Variants in DNAJC5G observed in about 807,000 individuals in gnomAD.
DNAJC5G encodes the protein DnaJ heat shock protein family (Hsp40) member C5 gamma, also known as dnaJ homolog subfamily C member 5G.
A neutral mutation model predicts 19.1 loss-of-function variants in DNAJC5G; 13 were observed. The observed-to-expected ratio is 0.68, with a 90% CI of 0.44 to 1.08. DNAJC5G has a LOEUF of 1.08. Ranked by LOEUF, DNAJC5G falls within the 50% of genes least tolerant of loss-of-function variation. DNAJC5G has a pLI of 0.00. For missense variants in DNAJC5G, 245 were observed against 230.4 expected (o/e 1.06, Z -0.41); for synonymous variants, 81 against 84.4 (o/e 0.96, Z 0.22).
rs762416674 is a variant in DNAJC5G at position 27,278,208 on chromosome 2, T to G, written c.396T>G (p.Thr132=). ...CWFKTLVILC[T]LLTCCCFCCC... is the part of the protein sequence containing the mutation. ...TTTAGACACTTGTCATCCTGTGTAC[T>G]CTGCTCACTTGTTGCTGTTTCTGTT... Residue 132 remains threonine, a synonymous_variant, in exon 5 of 7, where the codon ACT becomes ACG. Transcript: ENST00000296097. 2 of 1,614,246 alleles carry G rather than the reference T, an allele frequency of 1.2e-6. No individual in the cohort carries two copies. The highest frequency in any genetic ancestry group is 1.7e-6 in the Non-Finnish European group (2 of 1,180,052).
intron 6 of DNAJC5G, 35 bp from the exon 7 acceptor site, chr2:27,280,394 C>G: frequency 3.1e-6 from 2 of 647,958 alleles, no homozygotes; most frequent in Non-Finnish European, 5.3e-6. Context: ...ATTATTCCTT[C>G]TGATTAATAA....
In DNAJC5G at chr2:27,280,848, G is replaced by A. The variant is rs182845980; in HGVS notation, c.*438G>A. On this transcript the variant is annotated 3_prime_UTR_variant, in exon 7 of 7. Transcript: ENST00000296097. The stretch of plus-strand genomic sequence containing the variant: ...AAGAGCCTGATAACTGAGCAGGGTG[G>A]ATCCTGTCCCTGGAGCTGCTGCACC... 2 of 152,634 alleles carry A rather than the reference G, an allele frequency of 1.3e-5. No homozygotes were observed. The highest frequency in any genetic ancestry group is 3.8e-4 in the East Asian group (2 of 5,320). The allele number at this position is 152,634 out of a possible 1,614,324, so 9.5% of individuals were successfully genotyped here. A position where few individuals can be genotyped will look rare whatever the true frequency, so the allele number is the denominator to read the frequency against.
At chr2:27,279,779 C>T (rs936357877) in intron 5 of DNAJC5G, among the ~76,000 whole-genome samples, 5 of 151,570 alleles carry the variant, frequency 3.3e-5, no homozygotes, top group Admixed American at 6.6e-5. Context: ...AGAAGTCAGC[C>T]GGTCATGGCA....
chr2:27,277,833 A>T lies in DNAJC5G; in HGVS notation c.193A>T (p.Asn65Tyr), dbSNP rs770009682. 6 of 1,614,074 alleles carry T rather than the reference A, an allele frequency of 3.7e-6. No homozygotes were observed. The African/African-American group carries it at 6.7e-5, about 18-fold the overall frequency. Residue 65 changes from asparagine to tyrosine, a missense_variant, in exon 4 of 7, where the codon AAT becomes TAT. Coordinates refer to ENST00000296097, the MANE Select transcript of DNAJC5G (RefSeq NM_173650.3). The stretch of plus-strand genomic sequence containing the variant: ...GGCCTTGCGGTATCATCCCGACAAG[A>T]ATCCAGGGAATGCTCAAGCAGCAGA... ...KLALRYHPDK[N>Y]PGNAQAAEIF...
In DNAJC5G at chr2:27,278,262, T is replaced by C. The variant is rs752438342; in HGVS notation, c.450T>C (p.Leu150=). The change falls in exon 5 of 7, where the codon CTT becomes CTC. Residue 150 remains leucine, a synonymous_variant. Coordinates refer to ENST00000296097, the MANE Select transcript of DNAJC5G (RefSeq NM_173650.3). The stretch of plus-strand genomic sequence containing the variant: ...GCTGCTGTTTTTGCTGTGGAGCACT[T>C]AAACCACCACCTGAGCAGGATAGTG... The part of the protein sequence containing the change: ...CCCCCFCCGA[L]KPPPEQDSGR... 6.2e-7 allele frequency: 1 copy of C among 1,614,182 alleles called. No individual in the cohort carries two copies. Among genetic ancestry groups the C allele is most frequent in the South Asian group, 1.1e-5 (1 of 91,088 alleles).
At position 27,280,172 on chromosome 2, in the gene DNAJC5G, A is replaced by C; in HGVS notation, c.527A>C (p.Lys176Thr). 1 of 1,613,968 alleles carries C rather than the reference A, an allele frequency of 6.2e-7. No homozygotes were observed. The highest frequency in any genetic ancestry group is 8.5e-7 in the Non-Finnish European group (1 of 1,179,924). The change falls in exon 6 of 7, where the codon AAA becomes ACA. Residue 176 changes from lysine to threonine, a missense_variant. Coordinates refer to ENST00000296097, the MANE Select transcript of DNAJC5G (RefSeq NM_173650.3). ...VQSQPPRSGA[K>T]CDFRSEENSE... ...ATATATAATTCCATCATAGGAGCCA[A>C]ATGTGATTTTAGAAGCGAGGAAAAT...
rs1677973333 is a variant in DNAJC5G at position 27,275,434 on chromosome 2, C to T, written c.-405C>T. 1 of 358,956 alleles carries T rather than the reference C, an allele frequency of 2.8e-6. No homozygotes were observed. The highest frequency in any genetic ancestry group is 5.5e-6 in the Non-Finnish European group (1 of 182,576). 22.2% of individuals were successfully genotyped at this position (358,956 alleles called of 1,614,324 possible). On this transcript the variant is annotated 5_prime_UTR_variant, in exon 1 of 7. Coordinates refer to ENST00000296097, the MANE Select transcript of DNAJC5G (RefSeq NM_173650.3). ...TCCGGGGGCGCCAAAAAACGACCTGCCCAGACCCTCAGCGTCGACGCTGCG... is the reference window on the plus strand; with the variant it reads ...TCCGGGGGCGCCAAAAAACGACCTGTCCAGACCCTCAGCGTCGACGCTGCG...
At chr2:27,277,179 T>C (rs1205120991) in intron 3 of DNAJC5G, among the ~76,000 whole-genome samples, 2 of 150,950 alleles carry the variant, frequency 1.3e-5, no homozygotes, top group Non-Finnish European at 2.9e-5. Flanking sequence ...TGACCTCAGG[T>C]GATCTACCTG....
At chr2:27,280,098 CTCA>C in intron 5 of DNAJC5G, 65 bp from the exon 6 acceptor site, 1 of 1,484,990 alleles carries the variant, frequency 6.7e-7, no homozygotes, top group Non-Finnish European at 9.3e-7. Flanking sequence ...TAACGGTTTT[CTCA>C]TCAGTACACT....
chr2:27,276,822 G>C lies in DNAJC5G; in HGVS notation c.94G>C (p.Asp32His). 6.2e-7 allele frequency: 1 copy of C among 1,613,228 alleles called. No homozygotes were observed. The highest frequency in any genetic ancestry group is 8.5e-7 in the Non-Finnish European group (1 of 1,179,762). ...TCTTAAGAAGGGCGCCTCACCTGAA[G>C]ACTTCAAAAAATCCTACAGGTTCAG... Reference protein sequence around the residue: ...LDLKKGASPEDFKKSYSHSAL... With the variant: ...LDLKKGASPEHFKKSYSHSAL... Residue 32 changes from aspartate to histidine, a missense_variant, in exon 3 of 7, where the codon GAC becomes CAC. Coordinates refer to ENST00000296097, the MANE Select transcript of DNAJC5G (RefSeq NM_173650.3).
chr2:27,278,050 A>G, intron 4 of DNAJC5G, 35 bp downstream of exon 4: 3 of 1,609,934 alleles, frequency 1.9e-6, no homozygotes, highest in Non-Finnish European at 1.7e-6. Flanking sequence ...AGAATAAGGA[A>G]AGAAGGGTGA....
chr2:27,277,757 T>C lies in DNAJC5G; in HGVS notation c.117T>C (p.His39=), dbSNP rs1678173500. Residue 39 remains histidine (H), a synonymous_variant, in exon 4 of 7, where the codon CAT becomes CAC. Transcript: ENST00000296097. ...CATCGTAAGTCTCCTTCCCCAGCCA[T>C]TCCGCATTGCTTCCCCACCCTCCTT... ...SPEDFKKSYS[H]SALLPHPPFE... 2 of 1,613,838 alleles carry C rather than the reference T, an allele frequency of 1.2e-6. No homozygotes were observed. Among genetic ancestry groups the C allele is most frequent in the Non-Finnish European group, 1.7e-6 (2 of 1,179,856 alleles).
At chr2:27,279,558 A>T (rs1026313928) in intron 5 of DNAJC5G, among the ~76,000 whole-genome samples, 1 of 151,978 alleles carries the variant, frequency 6.6e-6, no homozygotes, top group South Asian at 2.1e-4. Flanking sequence ...TGGCCTCCCA[A>T]AGTGTTGGGT....
rs374436385 is a variant in DNAJC5G at position 27,277,992 on chromosome 2, A to C, written c.352A>C (p.Ile118Leu). 1.9e-6 allele frequency: 3 copies of C among 1,614,058 alleles called. No individual in the cohort carries two copies. Among genetic ancestry groups the C allele is most frequent in the African/African-American group, 2.7e-5 (2 of 74,920 alleles). Reference sequence around the variant, plus strand: ...TGAAGAAGGCGTCAGATACTATTTTATTCTGAATAGTTGTTGGTTCAAGGT... The same window carrying C: ...TGAAGAAGGCGTCAGATACTATTTTCTTCTGAATAGTTGTTGGTTCAAGGT... Reference protein sequence around the residue: ...FGEEGVRYYFILNSCWFKTLV... With the variant: ...FGEEGVRYYFLLNSCWFKTLV... Residue 118 changes from isoleucine (I) to leucine (L), a missense_variant, in exon 4 of 7, where the codon ATT becomes CTT. Ile to Leu is a conservative substitution (Grantham distance 5). Transcript: ENST00000296097.
chr2:27,279,742 T>A (rs1228845059), intron 5 of DNAJC5G, among the ~76,000 whole-genome samples: 2 of 142,028 alleles, frequency 1.4e-5, no homozygotes, highest in African/African-American at 5.3e-5. Context: ...TGAAACCCAG[T>A]ATCTACAAAA....
chr2:27,279,854 T>TACATG (rs1267983898), intron 5 of DNAJC5G, among the ~76,000 whole-genome samples: 9 of 151,118 alleles, frequency 6.0e-5, no homozygotes, highest in Non-Finnish European at 1.3e-4. Context: ...GTCTGGGAGG[T>TACATG]TGAGGTTACA....
In DNAJC5G at chr2:27,281,481, G is replaced by GA. The variant is rs1678368275; in HGVS notation, c.*1077dup. 6.6e-6 allele frequency: 1 copy of GA among 152,334 alleles called. No individual in the cohort carries two copies. Among genetic ancestry groups the GA allele is most frequent in the Admixed American group, 6.5e-5 (1 of 15,282 alleles). The allele number at this position is 152,334 out of a possible 1,614,324, so 9.4% of individuals were successfully genotyped here. ...AAAGACAAATTGTGTCTGGGGTAGAGAAAAAAGGCCTAAAGAAATTGCTTC... is the reference window on the plus strand; with the variant it reads ...AAAGACAAATTGTGTCTGGGGTAGAGAAAAAAAGGCCTAAAGAAATTGCTTC... On this transcript the variant is annotated 3_prime_UTR_variant, in exon 7 of 7. Coordinates refer to ENST00000296097, the MANE Select transcript of DNAJC5G (RefSeq NM_173650.3).
intron 6 of DNAJC5G, 78 bp downstream of exon 6, chr2:27,280,311 A>C: frequency 8.2e-7 from 1 of 1,212,384 alleles, no homozygotes; most frequent in Non-Finnish European, 1.2e-6. Flanking sequence ...CATTAGTAGA[A>C]AGTTTACATC....
intron 4 of DNAJC5G, 63 bp downstream of exon 4, chr2:27,278,078 C>T (rs1572506984): frequency 3.1e-6 from 5 of 1,606,904 alleles, no homozygotes; most frequent in East Asian, 4.5e-5. Context: ...TTCCTTATGA[C>T]AAATGCTTCT....
Sources: allele counts gnomAD v4.1 joint callset (sites outside exome capture counted in the v4.1 genomes callset), GRCh38; gene constraint gnomAD v4.1.1; transcripts MANE v1.5; gene names NCBI Gene and HGNC (gene_info 2026-07-23, HGNC 2026-07-21).